The following MRPS6 variants were observed in gnomAD, a reference collection of about 807,000 sequenced individuals.
MRPS6 encodes small ribosomal subunit protein bS6m.
A neutral mutation model predicts 13.1 loss-of-function variants in MRPS6; 6 were observed. That is an observed-to-expected ratio of 0.46 (90% CI 0.25 to 0.91). MRPS6 has a LOEUF of 0.91. MRPS6 is among the 40% of genes least tolerant of loss of function. The pLI is 0.18. For missense variants in MRPS6, 164 were observed against 155.6 expected (o/e 1.05, Z -0.29); for synonymous variants, 61 against 56.5 (o/e 1.08, Z -0.36).
intron 1 of MRPS6, chr21:34,097,405 T>TA: frequency 7.3e-7 from 1 of 1,367,196 alleles, no homozygotes; most frequent in Non-Finnish European, 9.4e-7. Flanking sequence ...GACTGGTCTT[T>TA]GGGGAAAAAA....
At chr21:34,128,032 T>C (rs1239486263) in intron 2 of MRPS6, among the ~76,000 whole-genome samples, 1 of 152,226 alleles carries the variant, frequency 6.6e-6, no homozygotes, top group Non-Finnish European at 1.5e-5. Context: ...CCTAGATGTT[T>C]CTGAGAGTCC....
intron 1 of MRPS6, chr21:34,101,568 T>C (rs1979239383): frequency 4.0e-6 from 4 of 1,000,166 alleles, no homozygotes; most frequent in Non-Finnish European, 2.4e-6. Context: ...TTTCTCTTTG[T>C]CTTCCTTCAC....
At chr21:34,098,118 G>A in intron 1 of MRPS6, 1 of 999,594 alleles carries the variant, frequency 1.0e-6, no homozygotes, top group Non-Finnish European at 1.2e-6. Context: ...TGAAGTAAAT[G>A]TTGCTGATGA....
chr21:34,135,929 C>G (rs1444207681), intron 2 of MRPS6: 4 of 446,280 alleles, frequency 9.0e-6, no homozygotes, highest in Non-Finnish European at 1.7e-5. Context: ...TTCTCCTTCA[C>G]TGCAATGGAA....
intron 1 of MRPS6, among the ~76,000 whole-genome samples, chr21:34,075,552 A>G (rs897145892): frequency 6.6e-6 from 1 of 152,224 alleles, no homozygotes; most frequent in African/African-American, 2.4e-5. Flanking sequence ...GGCAAAAAAA[A>G]GAAAAAAAGC....
At chr21:34,099,034 G>GA (rs1979107365) in intron 1 of MRPS6, 1 of 989,212 alleles carries the variant, frequency 1.0e-6, no homozygotes, top group Non-Finnish European at 1.2e-6. Flanking sequence ...GTTTCATTAT[G>GA]ATGGACTTGA....
chr21:34,135,906 G>T, intron 2 of MRPS6: 8 of 490,420 alleles, frequency 1.6e-5, no homozygotes, highest in Non-Finnish European at 3.1e-5. Context: ...TGTGAGGCAG[G>T]TACTTGGCAT....
At chr21:34,095,124 G>A in intron 1 of MRPS6, 1 of 1,536,634 alleles carries the variant, frequency 6.5e-7, no homozygotes, top group Non-Finnish European at 8.7e-7. Flanking sequence ...TTACAGACTT[G>A]GCTGGGGTTA....
intron 1 of MRPS6, among the ~76,000 whole-genome samples, chr21:34,116,620 G>A (rs1030445962): frequency 4.6e-5 from 7 of 151,520 alleles, no homozygotes; most frequent in African/African-American, 1.7e-4. Flanking sequence ...CCCTGGCTAC[G>A]GATGAAATGA....
At chr21:34,089,435 T>A (rs9984163) in intron 1 of MRPS6, among the ~76,000 whole-genome samples, 1 of 151,902 alleles carries the variant, frequency 6.6e-6, no homozygotes, top group East Asian at 1.9e-4. Context: ...ATAGTTGTTC[T>A]TCCCTCCCTG....
intron 2 of MRPS6, among the ~76,000 whole-genome samples, chr21:34,130,667 T>C (rs1441347405): frequency 2.6e-5 from 4 of 152,156 alleles, no homozygotes; most frequent in Non-Finnish European, 4.4e-5. Context: ...GTGGGCAAGT[T>C]CTACCTAGGA....
chr21:34,096,913 T>G lies in MRPS6; in HGVS notation c.45+23168T>G, dbSNP rs1489079940. 1 of 1,614,108 alleles carries G rather than the reference T, an allele frequency of 6.2e-7. No individual in the cohort carries two copies. Among genetic ancestry groups the G allele is most frequent in the Non-Finnish European group, 8.5e-7 (1 of 1,179,984 alleles). On this transcript the variant is annotated intron_variant, in intron 1 of 2. Coordinates refer to ENST00000399312, the MANE Select transcript of MRPS6 (RefSeq NM_032476.4). This position sits in a 1 kb window ranked among gnomAD's most constrained non-coding sequence, Gnocchi z 5.9. ...CCATACAAAATGCAAGAAAAGAGCA[T>G]TCTGAGATGCAGTGAGAATAATGAG...
Position 34,096,374 on chromosome 21 carries a change from C to A in MRPS6, c.45+22629C>A. ...ACAGTGCCAGTACCATATTCACCCT[C>A]GATGTGTACAAACTTATCCGCAAGA... On this transcript the variant is annotated intron_variant, in intron 1 of 2. Transcript: ENST00000399312. This position sits in a 1 kb window ranked among gnomAD's most constrained non-coding sequence, Gnocchi z 5.9. The A allele has an allele frequency of 6.2e-7, 1 of 1,614,144 alleles. No homozygotes were observed. The highest frequency in any genetic ancestry group is 8.5e-7 in the Non-Finnish European group (1 of 1,180,016).
intron 2 of MRPS6, among the ~76,000 whole-genome samples, chr21:34,139,117 A>G (rs1008030617): frequency 6.2e-5 from 9 of 144,504 alleles, no homozygotes; most frequent in African/African-American, 2.3e-4. Context: ...GTTCTCACTC[A>G]TAGGTGGGAA....
In MRPS6 at chr21:34,081,998, C is replaced by CT. The variant is rs1214095779; in HGVS notation, c.45+8262dup. 1.4e-4 allele frequency among the ~76,000 whole-genome samples: 21 copies of CT among 149,114 alleles called. No individual in the cohort carries two copies. The South Asian group carries it at 2.1e-3, about 15-fold the overall frequency. ...AGGGGTGTGGGCCTGGTTTTGCCAG[C>CT]TTTTTTTTTCTCTCTTCCTCCTACC... On this transcript the variant is annotated intron_variant, in intron 1 of 2. Transcript: ENST00000399312.
intron 1 of MRPS6, chr21:34,104,462 A>G: frequency 1.0e-6 from 1 of 999,264 alleles, no homozygotes. Flanking sequence ...AATTCTCAGA[A>G]TGGGAGAGAA....
chr21:34,096,590 C>T lies in MRPS6; in HGVS notation c.45+22845C>T, dbSNP rs576211592. The T allele has an allele frequency of 7.4e-6, 12 of 1,613,980 alleles. No individual in the cohort carries two copies. The highest frequency in any genetic ancestry group is 1.0e-5 in the Non-Finnish European group (12 of 1,180,016). ...TCCTGCTGGCAATTTTCTGGAAGCGCTGCAATGAACAAGGGGCTTTCTATG... is the reference window on the plus strand; with the variant it reads ...TCCTGCTGGCAATTTTCTGGAAGCGTTGCAATGAACAAGGGGCTTTCTATG... On this transcript the variant is annotated intron_variant, in intron 1 of 2. Coordinates refer to ENST00000399312, the MANE Select transcript of MRPS6 (RefSeq NM_032476.4). The surrounding 1 kb of genome is among the most constrained non-coding windows in gnomAD (Gnocchi z 5.9).
At chr21:34,128,863 G>A (rs897373086) in intron 2 of MRPS6, among the ~76,000 whole-genome samples, 4 of 152,126 alleles carry the variant, frequency 2.6e-5, no homozygotes, top group African/African-American at 9.7e-5. Flanking sequence ...CCCTTATCAG[G>A]GATTGGGACA....
chr21:34,100,358 G>T lies in MRPS6; in HGVS notation c.46-24983G>T, dbSNP rs1214094874. On this transcript the variant is annotated intron_variant, in intron 1 of 2. Coordinates refer to ENST00000399312, the MANE Select transcript of MRPS6 (RefSeq NM_032476.4). Reference sequence around the variant, plus strand: ...CCCTGGTCATCTTTCAGAATATTCTGTTCTGCCACCCCCAGAGAGTAAACA... The same window carrying T: ...CCCTGGTCATCTTTCAGAATATTCTTTTCTGCCACCCCCAGAGAGTAAACA... 3 of 1,000,058 alleles carry T rather than the reference G, an allele frequency of 3.0e-6. No homozygotes were observed. In the African/African-American group the frequency reaches 5.2e-5, roughly 17 times the overall value. The allele number at this position is 1,000,058 out of a possible 1,614,324, so 61.9% of individuals were successfully genotyped here.
Sources: allele counts gnomAD v4.1 joint callset (sites outside exome capture counted in the v4.1 genomes callset), GRCh38; gene constraint gnomAD v4.1.1; non-coding constraint Gnocchi (gnomAD v3.1); transcripts MANE v1.5; gene names NCBI Gene and HGNC (gene_info 2026-07-23, HGNC 2026-07-21).